The following ANTXR1 variants were observed in gnomAD, a reference collection of about 807,000 sequenced individuals.
ANTXR1 encodes ANTXR cell adhesion molecule 1.
Under a neutral mutation model 78.1 loss-of-function variants are expected in ANTXR1, and 19 were observed. The observed-to-expected ratio is 0.24, with a 90% CI of 0.17 to 0.36. The LOEUF is 0.36. Among genes scored for constraint, ANTXR1 ranks in the 10% least tolerant of loss-of-function variants. The pLI, the probability that ANTXR1 is intolerant of heterozygous loss-of-function variation, is 1.00. For missense variants in ANTXR1, 518 were observed against 718.6 expected, an observed-to-expected ratio of 0.72 and a Z score of 3.19; for synonymous variants, 273 against 260.5, an observed-to-expected ratio of 1.05 and a Z score of -0.46.
intron 3 of ANTXR1, among the ~76,000 whole-genome samples, chr2:69,055,401 T>C (rs1031176269): frequency 6.6e-6 from 1 of 152,136 alleles, no homozygotes; most frequent in African/African-American, 2.4e-5. Context: ...AGGCAATGTC[T>C]CTACAGAAGG....
At chr2:69,188,105 GTTTT>G (rs1215498520) in intron 16 of ANTXR1, among the ~76,000 whole-genome samples, 7 of 150,610 alleles carry the variant, frequency 4.6e-5, no homozygotes, top group African/African-American at 1.7e-4. Flanking sequence ...GGTGCTTTGG[GTTTT>G]TTGTTTGTTT....
At chr2:69,026,933 A>C (rs993857701) in intron 1 of ANTXR1, among the ~76,000 whole-genome samples, 1 of 152,212 alleles carries the variant, frequency 6.6e-6, no homozygotes, top group Non-Finnish European at 1.5e-5. Flanking sequence ...GACATGCAAC[A>C]CATGCGTTAG....
chr2:69,233,738 A>C (rs1326654736), intron 17 of ANTXR1, among the ~76,000 whole-genome samples: 1 of 151,912 alleles, frequency 6.6e-6, no homozygotes, highest in African/African-American at 2.4e-5. Flanking sequence ...AAAGACAAGA[A>C]TAAGATAAGG....
chr2:69,163,535 C>T (rs1395822324), intron 13 of ANTXR1, among the ~76,000 whole-genome samples: 1 of 152,164 alleles, frequency 6.6e-6, no homozygotes, highest in Non-Finnish European at 1.5e-5. Context: ...ATTGCTCTCA[C>T]AGTATCTCAT....
At chr2:69,110,007 C>T (rs1671929312) in intron 10 of ANTXR1, among the ~76,000 whole-genome samples, 1 of 151,784 alleles carries the variant, frequency 6.6e-6, no homozygotes, top group African/African-American at 2.4e-5. Flanking sequence ...AAAAGATATG[C>T]AAAGGAAATT....
intron 17 of ANTXR1, among the ~76,000 whole-genome samples, chr2:69,213,285 C>G (rs879587560): frequency 6.6e-6 from 1 of 152,188 alleles, no homozygotes; most frequent in East Asian, 1.9e-4. Flanking sequence ...CTAGTGCACT[C>G]ACTACATGGA....
chr2:69,024,534 T>A (rs1473375830), intron 1 of ANTXR1, among the ~76,000 whole-genome samples: 4 of 151,848 alleles, frequency 2.6e-5, no homozygotes, highest in Non-Finnish European at 5.9e-5. Context: ...CAGCAAAGAA[T>A]TGTATTAGTG....
chr2:69,202,385 C>T (rs1674793742), intron 17 of ANTXR1, among the ~76,000 whole-genome samples: 1 of 152,008 alleles, frequency 6.6e-6, no homozygotes, highest in African/African-American at 2.4e-5. Context: ...GTTATGGTGC[C>T]CTTAGTGACC....
At chr2:69,193,805 C>T (rs1674600445) in intron 17 of ANTXR1, among the ~76,000 whole-genome samples, 1 of 152,210 alleles carries the variant, frequency 6.6e-6, no homozygotes, top group Non-Finnish European at 1.5e-5. Flanking sequence ...CCACTGGCCA[C>T]ACAAGCCAGT....
chr2:69,172,583 C>G (rs945994541), intron 14 of ANTXR1: 88 of 1,271,054 alleles, frequency 6.9e-5, no homozygotes, highest in Non-Finnish European at 4.7e-5. Context: ...TATATGAAGA[C>G]CTTCAGTATT....
chr2:69,146,962 G>A (rs1219836697), intron 12 of ANTXR1, among the ~76,000 whole-genome samples: 1 of 152,258 alleles, frequency 6.6e-6, no homozygotes, highest in Non-Finnish European at 1.5e-5. Context: ...CCCTCCTGGG[G>A]TGCAATCCGG....
At chr2:69,113,350 A>G (rs1672049476) in intron 10 of ANTXR1, among the ~76,000 whole-genome samples, 1 of 152,198 alleles carries the variant, frequency 6.6e-6, no homozygotes, top group Non-Finnish European at 1.5e-5. Flanking sequence ...GAAGGTGATT[A>G]ACTCAGAGAC....
intron 13 of ANTXR1, among the ~76,000 whole-genome samples, chr2:69,166,839 G>A (rs1573948494): frequency 6.6e-6 from 1 of 152,352 alleles, no homozygotes; most frequent in Middle Eastern, 3.4e-3. Context: ...GTTGGAAACA[G>A]AGGATTTCTA....
chr2:69,055,425 T>C (rs1670039124), intron 3 of ANTXR1, among the ~76,000 whole-genome samples: 1 of 152,078 alleles, frequency 6.6e-6, no homozygotes, highest in Non-Finnish European at 1.5e-5. Context: ...GTTTAAGGGG[T>C]CTCCATGTTG....
chr2:69,040,354 C>T (rs2104071840), intron 2 of ANTXR1, among the ~76,000 whole-genome samples: 1 of 152,338 alleles, frequency 6.6e-6, no homozygotes, highest in Non-Finnish European at 1.5e-5. Context: ...AAATATTTAG[C>T]ATTCTCCCTT....
chr2:69,176,528 T>G (rs1051436739), intron 14 of ANTXR1, among the ~76,000 whole-genome samples: 2 of 152,226 alleles, frequency 1.3e-5, no homozygotes, highest in African/African-American at 4.8e-5. Flanking sequence ...TGGGAGTTTC[T>G]GTAGCCTTAG....
Position 69,013,792 on chromosome 2 carries a change from C to T in ANTXR1, c.152+141C>T. On this transcript the variant is annotated intron_variant, in intron 1 of 17. Transcript: ENST00000303714. The surrounding 1 kb of genome is among the most constrained non-coding windows in gnomAD (Gnocchi z 5.0). ...AGAGGGACCGCGCGGCAGGCGGCGG[C>T]GGAGTGCTGCGCCTTTGTTGGGGCG... The T allele has an allele frequency of 7.1e-7, 1 of 1,401,030 alleles. No individual in the cohort carries two copies. The highest frequency in any genetic ancestry group is 9.8e-7 in the Non-Finnish European group (1 of 1,017,076). The allele number at this position is 1,401,030 out of a possible 1,614,324, so 86.8% of individuals were successfully genotyped here.
intron 1 of ANTXR1, among the ~76,000 whole-genome samples, chr2:69,017,275 C>T (rs1162343143): frequency 6.6e-6 from 1 of 152,170 alleles, no homozygotes; most frequent in Non-Finnish European, 1.5e-5. Flanking sequence ...CAGTGCTGTC[C>T]AGCACCCAAC....
At chr2:69,092,343 A>C (rs1671268490) in intron 9 of ANTXR1, among the ~76,000 whole-genome samples, 1 of 152,228 alleles carries the variant, frequency 6.6e-6, no homozygotes, top group Non-Finnish European at 1.5e-5. Context: ...AGTTAGGTGC[A>C]CTAAAAAATC....
Sources: gnomAD v4.1 joint callset for allele counts (sites outside exome capture counted in the v4.1 genomes callset) on GRCh38, gnomAD v4.1.1 for gene constraint, Gnocchi (gnomAD v3.1) non-coding constraint, MANE v1.5 for transcripts, NCBI Gene and HGNC (gene_info 2026-07-23, HGNC 2026-07-21) for gene names.